The following HIPK2 variants were observed in gnomAD, a reference collection of about 807,000 sequenced individuals.
The protein encoded by HIPK2 is homeodomain-interacting protein kinase 2.
A neutral mutation model predicts 113.7 loss-of-function variants in HIPK2; 27 were observed. The observed-to-expected ratio is 0.24, with a 90% CI of 0.17 to 0.33. The LOEUF is 0.33. Among genes scored for constraint, HIPK2 ranks in the 10% least tolerant of loss-of-function variants. The probability of loss-of-function intolerance (pLI) is 1.00; values close to 1 mark genes in which losing one functional copy is unlikely to be tolerated. For synonymous variants in HIPK2, 631 were observed against 642.2 expected, an observed-to-expected ratio of 0.98 and a Z score of 0.26; for missense variants, 1,257 against 1,588.0, an observed-to-expected ratio of 0.79 and a Z score of 3.54.
Position 139,683,035 on chromosome 7 carries a change from G to A in HIPK2, c.1103+32897C>T, listed in dbSNP as rs1353284469. ...TTTCTGGTGGGAGAGAAAGGAGAATGTGTGTTCTCTCTTAAATATAAGGCA... is the reference window on the plus strand; with the variant it reads ...TTTCTGGTGGGAGAGAAAGGAGAATATGTGTTCTCTCTTAAATATAAGGCA... On this transcript the variant is annotated intron_variant, in intron 2 of 14. Coordinates refer to ENST00000406875, the MANE Select transcript of HIPK2 (RefSeq NM_022740.5). The surrounding 1 kb of genome is among the most constrained non-coding windows in gnomAD (Gnocchi z 4.2). Among the ~76,000 whole-genome samples the A allele has an allele frequency of 2.0e-5, 3 of 152,172 alleles. No homozygotes were observed. The highest frequency in any genetic ancestry group is 7.2e-5 in the African/African-American group (3 of 41,426).
chr7:139,680,096 T>C (rs759953655), intron 2 of HIPK2, among the ~76,000 whole-genome samples: 107 of 152,292 alleles, frequency 7.0e-4, no homozygotes, highest in Admixed American at 2.7e-3. Context: ...AACCGATCTC[T>C]TAAGAATGCC....
At chr7:139,727,629 G>T (rs1795623095) in intron 1 of HIPK2, among the ~76,000 whole-genome samples, 1 of 152,184 alleles carries the variant, frequency 6.6e-6, no homozygotes, top group Non-Finnish European at 1.5e-5. Flanking sequence ...CTGCTAACTT[G>T]GCCCCAAATA....
chr7:139,577,011 C>A (rs1310841611), intron 13 of HIPK2, among the ~76,000 whole-genome samples: 1 of 152,170 alleles, frequency 6.6e-6, no homozygotes, highest in Non-Finnish European at 1.5e-5. Flanking sequence ...AGTATTAATA[C>A]ACACCTAAAT....
intron 2 of HIPK2, among the ~76,000 whole-genome samples, chr7:139,673,771 G>C (rs1802389415): frequency 6.6e-6 from 1 of 151,968 alleles, no homozygotes; most frequent in Non-Finnish European, 1.5e-5. Flanking sequence ...CTTTGGACAG[G>C]GCGTGGTGGC....
chr7:139,697,900 C>T (rs1052146927), intron 2 of HIPK2, among the ~76,000 whole-genome samples: 14 of 145,280 alleles, frequency 9.6e-5, no homozygotes, highest in South Asian at 2.1e-4. Flanking sequence ...GACGGAGTCT[C>T]GCTCTGTCGC....
chr7:139,691,401 C>A (rs1377078232), intron 2 of HIPK2, among the ~76,000 whole-genome samples: 1 of 152,136 alleles, frequency 6.6e-6, no homozygotes, highest in Non-Finnish European at 1.5e-5. Context: ...AAACTTAGGC[C>A]CTCTTTTCAT....
chr7:139,713,552 G>A (rs1269574549), intron 2 of HIPK2, among the ~76,000 whole-genome samples: 3 of 152,322 alleles, frequency 2.0e-5, no homozygotes, highest in African/African-American at 4.8e-5. Flanking sequence ...ACCAAGTTTC[G>A]CTCTAAGGAT....
At position 139,572,792 on chromosome 7, in the gene HIPK2, C is replaced by CCCCCGGGGG; in HGVS notation, c.*134_*135insCCCCCGGGG. ...CCCCCCCCCCCCCCCGCCCCTGCCC[C>CCCCCGGGGG]GTTTGCATTGTTTGTGTGCGGCATC... On this transcript the variant is annotated 3_prime_UTR_variant, in exon 15 of 15. Coordinates refer to ENST00000406875, the MANE Select transcript of HIPK2 (RefSeq NM_022740.5). 1 of 183,672 alleles carries CCCCCGGGGG rather than the reference C, an allele frequency of 5.4e-6. No individual in the cohort carries two copies. The highest frequency in any genetic ancestry group is 1.0e-5 in the Non-Finnish European group (1 of 97,446). 11.4% of individuals were successfully genotyped at this position (183,672 alleles called of 1,614,324 possible).
intron 2 of HIPK2, among the ~76,000 whole-genome samples, chr7:139,671,160 A>T (rs2116637676): frequency 6.6e-6 from 1 of 152,310 alleles, no homozygotes; most frequent in East Asian, 1.9e-4. Flanking sequence ...AATGAACCAA[A>T]AGAGTGATCT....
intron 6 of HIPK2, among the ~76,000 whole-genome samples, chr7:139,622,777 C>T (rs748552748): frequency 1.3e-4 from 20 of 152,188 alleles, no homozygotes; most frequent in Non-Finnish European, 2.8e-4. Context: ...TCAGGCAAGC[C>T]TAGGTGTGTT....
intron 1 of HIPK2, among the ~76,000 whole-genome samples, chr7:139,748,069 A>G (rs1796218081): frequency 6.6e-6 from 1 of 152,038 alleles, no homozygotes; most frequent in Admixed American, 6.5e-5. Context: ...CTTGAAGAAA[A>G]TATTTTTCCA....
chr7:139,753,824 T>C (rs1796319933), intron 1 of HIPK2, among the ~76,000 whole-genome samples: 2 of 152,236 alleles, frequency 1.3e-5, no homozygotes, highest in Non-Finnish European at 2.9e-5. Flanking sequence ...AGGTGAGCCT[T>C]TCCCTTTAAT....
chr7:139,718,550 A>G (rs908813606), intron 1 of HIPK2, among the ~76,000 whole-genome samples: 22 of 152,146 alleles, frequency 1.4e-4, no homozygotes, highest in African/African-American at 4.3e-4. Flanking sequence ...CTCCAGTCTG[A>G]GAGAAAGAGG....
chr7:139,604,590 A>C (rs777587736), intron 9 of HIPK2, among the ~76,000 whole-genome samples: 2 of 146,478 alleles, frequency 1.4e-5, no homozygotes, highest in Non-Finnish European at 3.0e-5. Context: ...CTAAGGCAGG[A>C]GAATGGCATG....
At chr7:139,764,939 C>T (rs1796528282) in intron 1 of HIPK2, among the ~76,000 whole-genome samples, 3 of 152,100 alleles carry the variant, frequency 2.0e-5, no homozygotes, top group Admixed American at 2.0e-4. Flanking sequence ...AATTTGAGAC[C>T]AGCCTGGCCA....
chr7:139,658,323 T>A (rs1044924062), intron 2 of HIPK2, among the ~76,000 whole-genome samples: 98 of 134,618 alleles, frequency 7.3e-4, no homozygotes, highest in Non-Finnish European at 1.4e-3. Context: ...AAAAAAAAAA[T>A]GAACGGGGAA....
At chr7:139,715,095 A>G (rs1435971850) in intron 2 of HIPK2, among the ~76,000 whole-genome samples, 2 of 152,222 alleles carry the variant, frequency 1.3e-5, no homozygotes, top group Non-Finnish European at 1.5e-5. Context: ...GACTGCATAC[A>G]GGGGTCCCTG....
chr7:139,720,436 G>A (rs1013604918), intron 1 of HIPK2, among the ~76,000 whole-genome samples: 4 of 152,182 alleles, frequency 2.6e-5, no homozygotes, highest in Non-Finnish European at 5.9e-5. Flanking sequence ...TCTACGCACT[G>A]TGACTGCACG....
chr7:139,641,201 C>A (rs775009344), intron 2 of HIPK2, among the ~76,000 whole-genome samples: 7 of 151,964 alleles, frequency 4.6e-5, no homozygotes, highest in Non-Finnish European at 8.8e-5. Flanking sequence ...CCCGTCTCTA[C>A]TAAAAATACA....
Sources: allele counts gnomAD v4.1 joint callset (sites outside exome capture counted in the v4.1 genomes callset), GRCh38; gene constraint gnomAD v4.1.1; non-coding constraint Gnocchi (gnomAD v3.1); transcripts MANE v1.5; gene names NCBI Gene and HGNC (gene_info 2026-07-23, HGNC 2026-07-21).